The following ZFYVE26 variants were observed in gnomAD, a reference collection of about 807,000 sequenced individuals.
ZFYVE26 encodes the protein zinc finger FYVE domain-containing protein 26.
In ZFYVE26, 181 loss-of-function variants were observed where a neutral mutation model predicts 276.5. The ratio of observed to expected loss-of-function variants is 0.65; its 90% CI spans 0.58 to 0.74. ZFYVE26 has a LOEUF of 0.74. ZFYVE26 is among the 30% of genes least tolerant of loss of function. The probability of loss-of-function intolerance (pLI) is 0.00; values close to 1 mark genes in which losing one functional copy is unlikely to be tolerated. For missense variants in ZFYVE26, 2,821 were observed against 3,097.9 expected (o/e 0.91, Z 2.12); for synonymous variants, 1,129 against 1,203.1 (o/e 0.94, Z 1.27).
chr14:67,760,926 T>C, intron 35 of ZFYVE26: 1 of 368,812 alleles, frequency 2.7e-6, no homozygotes, highest in South Asian at 3.8e-5. Context: ...GCACCATGGT[T>C]ACTTCCTGGC....
intron 12 of ZFYVE26, among the ~76,000 whole-genome samples, chr14:67,795,187 G>A (rs1566891204): frequency 6.6e-6 from 1 of 152,234 alleles, no homozygotes; most frequent in Non-Finnish European, 1.5e-5. Flanking sequence ...AGCCGTAGAA[G>A]AGATGATGGG....
At chr14:67,781,210 G>C (rs1309930669) in intron 22 of ZFYVE26, 123 bp downstream of exon 22, 6 of 1,172,922 alleles carry the variant, frequency 5.1e-6, no homozygotes, top group African/African-American at 1.5e-5. Context: ...ACTGAAGCCA[G>C]ATGCAAAGCA....
At chr14:67,785,353 T>C (rs2039621507) in intron 18 of ZFYVE26, 76 bp from the exon 19 acceptor site, 1 of 1,348,380 alleles carries the variant, frequency 7.4e-7, no homozygotes, top group Admixed American at 2.0e-5. Context: ...TCTGACTGGA[T>C]ATGTGAACTG....
In ZFYVE26 at chr14:67,807,777, C is replaced by T; in HGVS notation, c.507G>A (p.Gln169=). 6.2e-7 allele frequency: 1 copy of T among 1,614,234 alleles called. No individual in the cohort carries two copies. The highest frequency in any genetic ancestry group is 8.5e-7 in the Non-Finnish European group (1 of 1,180,034). Residue 169 remains glutamine, a synonymous_variant, in exon 5 of 42, where the codon CAG becomes CAA. Transcript: ENST00000347230. ...DLLRQSPQPA[Q]ALLELLLEED... ...CCTCAAGCAGGAGCTCCAGCAGGGC[C>T]TGTGCTGGCTGGGGAGACTGCCTCA...
In ZFYVE26 at chr14:67,804,114, G is replaced by C; in HGVS notation, c.1422C>G (p.Pro474=). Residue 474 remains proline, a synonymous_variant, in exon 9 of 42, where the codon CCC becomes CCG. Coordinates refer to ENST00000347230, the MANE Select transcript of ZFYVE26 (RefSeq NM_015346.4). ...ATCCCAACTCACCAGGCTCTTGCTG[G>C]GGGTCCTTGGCTGGCACTTTCTGTA... ...KLLQKVPAKD[P]QQEPDAVDAP... 6.2e-7 allele frequency: 1 copy of C among 1,614,162 alleles called. No homozygotes were observed.
At chr14:67,750,734 G>A (rs1035668391) in intron 41 of ZFYVE26, 4 of 426,592 alleles carry the variant, frequency 9.4e-6, no homozygotes, top group African/African-American at 6.0e-5. Flanking sequence ...CAAAGATGGA[G>A]GTGAGGTGAG....
intron 13 of ZFYVE26, among the ~76,000 whole-genome samples, chr14:67,736,092 T>C (rs2038349414): frequency 6.6e-6 from 1 of 152,194 alleles, no homozygotes; most frequent in Non-Finnish European, 1.5e-5. Flanking sequence ...GCTCATAAAC[T>C]CAAGGAAGGG....
chr14:67,773,707 T>C (rs369940116), intron 27 of ZFYVE26, among the ~76,000 whole-genome samples: 1 of 152,082 alleles, frequency 6.6e-6, no homozygotes, highest in East Asian at 1.9e-4. Flanking sequence ...ATTCTCAAAG[T>C]ATGGCCAGAA....
intron 13 of ZFYVE26, among the ~76,000 whole-genome samples, chr14:67,740,559 A>C (rs1379301857): frequency 6.6e-6 from 1 of 152,218 alleles, no homozygotes; most frequent in African/African-American, 2.4e-5. Flanking sequence ...TTTAGTTGCT[A>C]ATGTAAACAA....
intron 35 of ZFYVE26, among the ~76,000 whole-genome samples, chr14:67,759,990 A>T (rs2038890830): frequency 6.6e-6 from 1 of 152,168 alleles, no homozygotes; most frequent in Non-Finnish European, 1.5e-5. Flanking sequence ...CCTGCTTGAG[A>T]ATAAATGTAA....
At chr14:67,798,952 G>A (rs2040022164) in intron 10 of ZFYVE26, 6 of 1,130,466 alleles carry the variant, frequency 5.3e-6, no homozygotes, top group Non-Finnish European at 6.6e-6. Context: ...TATTTCTCGC[G>A]CCGCGGTTTC....
At chr14:67,751,867 A>C (rs2038654999) in intron 40 of ZFYVE26, among the ~76,000 whole-genome samples, 1 of 152,112 alleles carries the variant, frequency 6.6e-6, no homozygotes, top group Non-Finnish European at 1.5e-5. Flanking sequence ...GTCTCAAAAA[A>C]AAAAAAGAAC....
At chr14:67,762,140 C>T in intron 34 of ZFYVE26, 63 bp downstream of exon 34, 1 of 1,557,558 alleles carries the variant, frequency 6.4e-7, no homozygotes, top group Non-Finnish European at 8.8e-7. Context: ...ATTCTTTTCC[C>T]AGGTCATTGC....
rs116309951 is a variant in ZFYVE26, at chr14:67,751,415, A to G, written c.7372-319T>C. ...CCAAATGGATCATGAACTTAGTGCAAGCACTAAGTTCTCACACTAAGTATG... is the reference window on the plus strand; with the variant it reads ...CCAAATGGATCATGAACTTAGTGCAGGCACTAAGTTCTCACACTAAGTATG... On this transcript the variant is annotated intron_variant, in intron 40 of 41. Coordinates refer to ENST00000347230, the MANE Select transcript of ZFYVE26 (RefSeq NM_015346.4). 4,000 of 450,686 alleles carry G rather than the reference A, an allele frequency of 8.9e-3. 55 individuals carry two copies. Among genetic ancestry groups the G allele is most frequent in the African/African-American group, 0.043 (2,151 of 50,186 alleles). The allele number at this position is 450,686 out of a possible 1,614,324, so 27.9% of individuals were successfully genotyped here. A position where few individuals can be genotyped will look rare whatever the true frequency, so the allele number is the denominator to read the frequency against.
chr14:67,742,216 G>T (rs928363591), downstream of ZFYVE26, among the ~76,000 whole-genome samples: 1 of 152,184 alleles, frequency 6.6e-6, no homozygotes, highest in Admixed American at 6.5e-5. Flanking sequence ...CAGACAAAAA[G>T]TATAGTAGAG....
Position 67,775,976 on chromosome 14 carries a change from T to A in ZFYVE26, c.5105A>T (p.Gln1702Leu). The change falls in exon 26 of 42, where the codon CAG becomes CTG. Residue 1702 changes from glutamine to leucine, a missense_variant. Physicochemically the swap from Gln to Leu is moderately radical, Grantham distance 113. Transcript: ENST00000347230. ...DWATVAVQTL[Q>L]QLLVGQEIGF... ...AATCTCCTGTCCAACCAGCAGCTGCTGGAGAGTCTGCACAGCCACAGTGGC... is the reference window on the plus strand; with the variant it reads ...AATCTCCTGTCCAACCAGCAGCTGCAGGAGAGTCTGCACAGCCACAGTGGC... 6.2e-7 allele frequency: 1 copy of A among 1,614,164 alleles called. No individual in the cohort carries two copies. Among genetic ancestry groups the A allele is most frequent in the Non-Finnish European group, 8.5e-7 (1 of 1,180,004 alleles).
In ZFYVE26 at chr14:67,756,158, A is replaced by G; in HGVS notation, c.6589-13T>C. ...CTGGAGGACTCTCCTGGAGCAGGGC[A>G]GGGCGAGAAGTCAGAAGTCTTGAGC... On this transcript the variant is annotated splice_polypyrimidine_tract_variant and intron_variant, in intron 35 of 41. Transcript: ENST00000347230. The G allele has an allele frequency of 6.2e-7, 1 of 1,613,960 alleles. No individual in the cohort carries two copies. The highest frequency in any genetic ancestry group is 8.5e-7 in the Non-Finnish European group (1 of 1,179,848).
chr14:67,750,733 A>G, intron 41 of ZFYVE26: 2 of 422,982 alleles, frequency 4.7e-6, no homozygotes, highest in Non-Finnish European at 8.9e-6. Context: ...CCAAAGATGG[A>G]GGTGAGGTGA....
chr14:67,762,698 CTTCCAAAAGCTGG>C lies in ZFYVE26; in HGVS notation c.6120_6132del (p.Asn2040LysfsTer47). The C allele has an allele frequency of 6.2e-7, 1 of 1,614,094 alleles. No homozygotes were observed. Among genetic ancestry groups the C allele is most frequent in the Non-Finnish European group, 8.5e-7 (1 of 1,180,038 alleles). On this transcript the variant is annotated frameshift_variant, in exon 33 of 42. Coordinates refer to ENST00000347230, the MANE Select transcript of ZFYVE26 (RefSeq NM_015346.4). LOFTEE classifies it high-confidence loss of function. ...TCAACGCCCAGTTGGTAGTACTCGG[CTTCCAAAAGCTGG>C]TTCCTTAGCCTGGTTACTGCAGCTG...
Sources: gnomAD v4.1 joint callset for allele counts (sites outside exome capture counted in the v4.1 genomes callset) on GRCh38, gnomAD v4.1.1 for gene constraint, MANE v1.5 for transcripts, NCBI Gene and HGNC (gene_info 2026-07-23, HGNC 2026-07-21) for gene names.